Variants in ZDHHC2 observed in about 807,000 individuals in gnomAD.
The protein encoded by ZDHHC2 is palmitoyltransferase ZDHHC2.
In ZDHHC2, 51 loss-of-function variants were observed where a neutral mutation model predicts 55.6. That is an observed-to-expected ratio of 0.92 (90% CI 0.73 to 1.16). The LOEUF (loss-of-function observed/expected upper bound fraction) is 1.16. Among genes scored for constraint, ZDHHC2 ranks in the 50% most tolerant of loss-of-function variants. The pLI is 0.00. For synonymous variants in ZDHHC2, 199 were observed against 152.9 expected (o/e 1.30, Z -2.22); for missense variants, 491 against 442.4 (o/e 1.11, Z -0.99).
rs566377752 is a variant in ZDHHC2 at position 17,224,195 on chromosome 8, C to G, written c.*3974C>G. 1 of 151,814 alleles carries G rather than the reference C, an allele frequency of 6.6e-6. No homozygotes were observed. Among genetic ancestry groups the G allele is most frequent in the East Asian group, 1.9e-4 (1 of 5,176 alleles). 9.4% of individuals were successfully genotyped at this position (151,814 alleles called of 1,614,324 possible). A position where few individuals can be genotyped will look rare whatever the true frequency, so the allele number is the denominator to read the frequency against. On this transcript the variant is annotated 3_prime_UTR_variant, in exon 13 of 13. Transcript: ENST00000262096. ...ACCTGGGCAATGCCAACAGAAGACA[C>G]TTTTAATCATTTGCAGACCTTTCTT...
chr8:17,199,624 C>CTT (rs1563161752), intron 6 of ZDHHC2, among the ~76,000 whole-genome samples: 2 of 48,070 alleles, frequency 4.2e-5, no homozygotes, highest in Admixed American at 2.2e-4. Context: ...TCTTCTTCTT[C>CTT]CTTTCTTCTT....
At chr8:17,180,773 C>A (rs1331131967) in intron 1 of ZDHHC2, among the ~76,000 whole-genome samples, 1 of 152,194 alleles carries the variant, frequency 6.6e-6, no homozygotes, top group Non-Finnish European at 1.5e-5. Flanking sequence ...TTCTTTATCC[C>A]CAGCCATTGC....
At chr8:17,207,740 AT>A (rs1489948654) in intron 7 of ZDHHC2, among the ~76,000 whole-genome samples, 1 of 152,074 alleles carries the variant, frequency 6.6e-6, no homozygotes, top group Admixed American at 6.6e-5. Context: ...TATATTCCAA[AT>A]TTTAATATCA....
intron 3 of ZDHHC2, among the ~76,000 whole-genome samples, chr8:17,192,140 C>T (rs888109708): frequency 5.9e-5 from 9 of 152,106 alleles, no homozygotes; most frequent in African/African-American, 9.7e-5. Context: ...TGCATCACCA[C>T]GCCTATCTAA....
rs1805711900 is a variant in ZDHHC2 at position 17,186,392 on chromosome 8, T to C, written c.219T>C (p.Thr73=). ...FAMFVWSYWK[T]IFTLPMNPSK... ...TGTTTGTCTGGTCATACTGGAAAAC[T>C]ATCTTTACATTACCAATGAATCCTT... is the stretch of plus-strand genomic sequence containing the variant. The change falls in exon 3 of 13, where the codon ACT becomes ACC. Residue 73 remains threonine, a synonymous_variant. Coordinates refer to ENST00000262096, the MANE Select transcript of ZDHHC2 (RefSeq NM_016353.5). 6.3e-7 allele frequency: 1 copy of C among 1,583,312 alleles called. No homozygotes were observed. The highest frequency in any genetic ancestry group is 8.6e-7 in the Non-Finnish European group (1 of 1,169,228).
At chr8:17,196,268 C>A (rs1222132862) in intron 4 of ZDHHC2, among the ~76,000 whole-genome samples, 1 of 152,014 alleles carries the variant, frequency 6.6e-6, no homozygotes, top group African/African-American at 2.4e-5. Flanking sequence ...CTGTGCTGTC[C>A]ATTATGGTAG....
chr8:17,172,949 C>G (rs1804936522), intron 1 of ZDHHC2, among the ~76,000 whole-genome samples: 2 of 152,084 alleles, frequency 1.3e-5, no homozygotes, highest in South Asian at 2.1e-4. Context: ...GAAATATGGC[C>G]AAATATTTGA....
chr8:17,210,534 G>A (rs1307071257), intron 10 of ZDHHC2, 54 bp downstream of exon 10: 2 of 1,428,280 alleles, frequency 1.4e-6, no homozygotes, highest in Non-Finnish European at 9.5e-7. Context: ...TTACCATATT[G>A]TGTCTTTTGG....
chr8:17,184,450 A>T (rs979807516), intron 1 of ZDHHC2, among the ~76,000 whole-genome samples: 1 of 152,250 alleles, frequency 6.6e-6, no homozygotes, highest in African/African-American at 2.4e-5. Flanking sequence ...CCTGGAGAGC[A>T]TTGCTTTTAT....
intron 1 of ZDHHC2, among the ~76,000 whole-genome samples, chr8:17,182,608 G>A (rs1805488752): frequency 6.6e-6 from 1 of 152,056 alleles, no homozygotes; most frequent in Non-Finnish European, 1.5e-5. Flanking sequence ...AACATCTGTG[G>A]ATTTTGAATT....
intron 1 of ZDHHC2, among the ~76,000 whole-genome samples, chr8:17,164,809 G>A (rs1045531831): frequency 2.0e-5 from 3 of 152,134 alleles, no homozygotes; most frequent in Non-Finnish European, 4.4e-5. Flanking sequence ...ATTTTCTTAT[G>A]TACAGATAAA....
intron 1 of ZDHHC2, among the ~76,000 whole-genome samples, chr8:17,178,309 C>CTT (rs1272921520): frequency 6.6e-6 from 1 of 152,122 alleles, no homozygotes; most frequent in African/African-American, 2.4e-5. Context: ...TGATCTCCTG[C>CTT]TTTTAATCAA....
At chr8:17,208,242 G>C in intron 8 of ZDHHC2, 150 bp downstream of exon 8, 2 of 672,020 alleles carry the variant, frequency 3.0e-6, no homozygotes, top group Non-Finnish European at 4.5e-6. Flanking sequence ...ATGTCGCTTA[G>C]ACACATACAG....
At chr8:17,158,685 T>G (rs1355388507) in intron 1 of ZDHHC2, among the ~76,000 whole-genome samples, 5 of 152,264 alleles carry the variant, frequency 3.3e-5, no homozygotes, top group Non-Finnish European at 7.3e-5. Context: ...CATCAGTATT[T>G]TAGTAAGTGA....
intron 3 of ZDHHC2, among the ~76,000 whole-genome samples, chr8:17,193,952 A>T (rs764693103): frequency 6.6e-6 from 1 of 152,080 alleles, no homozygotes; most frequent in Non-Finnish European, 1.5e-5. Flanking sequence ...CTGGTGTGTG[A>T]TGTTCCTTCC....
chr8:17,202,724 T>C (rs1459051908), intron 6 of ZDHHC2, among the ~76,000 whole-genome samples: 2 of 133,318 alleles, frequency 1.5e-5, no homozygotes, highest in African/African-American at 6.7e-5. Context: ...CTTCTAGTTA[T>C]ATATATATAT....
intron 6 of ZDHHC2, among the ~76,000 whole-genome samples, chr8:17,199,585 CTTCTTTCTTCTTCTTT>C (rs1806594838): frequency 1.5e-5 from 1 of 66,274 alleles, no homozygotes; most frequent in South Asian, 5.0e-4. Context: ...TCTTCTTCTT[CTTCTTTCTTCTTCTTT>C]ATTCTTTCTT....
chr8:17,208,126 T>C, intron 8 of ZDHHC2, 34 bp downstream of exon 8: 6 of 1,513,704 alleles, frequency 4.0e-6, no homozygotes, highest in Non-Finnish European at 5.3e-6. Flanking sequence ...GACAGAACTT[T>C]AAATACGTAT....
intron 10 of ZDHHC2, among the ~76,000 whole-genome samples, chr8:17,211,861 A>C (rs766718205): frequency 1.3e-5 from 2 of 152,142 alleles, no homozygotes; most frequent in African/African-American, 4.8e-5. Context: ...ATGGTTTTTC[A>C]TATACCTCAA....
Sources: gnomAD v4.1 joint callset for allele counts (sites outside exome capture counted in the v4.1 genomes callset) on GRCh38, gnomAD v4.1.1 for gene constraint, MANE v1.5 for transcripts, NCBI Gene and HGNC (gene_info 2026-07-23, HGNC 2026-07-21) for gene names.